The following CFAP54 variants were observed in gnomAD, a reference collection of about 807,000 sequenced individuals.
CFAP54 encodes the protein cilia- and flagella-associated protein 54.
CFAP54 carries 290 observed loss-of-function variants against 370.4 expected under a neutral mutation model. That is an observed-to-expected ratio of 0.78 (90% CI 0.71 to 0.86). The LOEUF is 0.86. CFAP54 is among the 40% of genes least tolerant of loss of function. The pLI is 0.00. For synonymous variants in CFAP54, 1,206 were observed against 1,236.5 expected (o/e 0.98, Z 0.52); for missense variants, 3,399 against 3,528.7 (o/e 0.96, Z 0.93).
intron 9 of CFAP54, among the ~76,000 whole-genome samples, chr12:96,530,260 C>T (rs1292661910): frequency 2.6e-5 from 4 of 152,350 alleles, no homozygotes; most frequent in South Asian, 4.1e-4. Flanking sequence ...GAGGCCAAGA[C>T]GAGCTGATCC....
At chr12:96,790,061 G>A (rs1472004274) in intron 62 of CFAP54, among the ~76,000 whole-genome samples, 1 of 152,164 alleles carries the variant, frequency 6.6e-6, no homozygotes, top group East Asian at 1.9e-4. Context: ...ATTGCTCCGT[G>A]TTGTGCTCAT....
At chr12:96,863,944 A>G (rs1183268500) in intron 67 of CFAP54, among the ~76,000 whole-genome samples, 1 of 152,162 alleles carries the variant, frequency 6.6e-6, no homozygotes, top group Non-Finnish European at 1.5e-5. Flanking sequence ...TCATTCCAAA[A>G]TTCCCCATCT....
intron 48 of CFAP54, among the ~76,000 whole-genome samples, chr12:96,711,192 C>T (rs1957609785): frequency 6.6e-6 from 1 of 152,118 alleles, no homozygotes; most frequent in African/African-American, 2.4e-5. Context: ...TATTGGCATA[C>T]AATTTTTTCA....
At chr12:96,540,708 G>T in intron 13 of CFAP54, 129 bp from the exon 14 acceptor site, 1 of 478,048 alleles carries the variant, frequency 2.1e-6, no homozygotes, top group Non-Finnish European at 3.5e-6. Flanking sequence ...ATAAGGAGGG[G>T]TACCTGTGTA....
intron 66 of CFAP54, among the ~76,000 whole-genome samples, chr12:96,833,507 CGTGTGT>C (rs34316003): frequency 0.011 from 1,557 of 144,094 alleles, 20 homozygotes; most frequent in African/African-American, 0.028. Context: ...CACACGCGTA[CGTGTGT>C]GTGTGTGTGT....
At chr12:96,811,385 A>G (rs987307701) in intron 63 of CFAP54, among the ~76,000 whole-genome samples, 8 of 152,222 alleles carry the variant, frequency 5.3e-5, no homozygotes, top group Non-Finnish European at 8.8e-5. Context: ...TGGGAACGGT[A>G]CACATTGAGA....
Position 96,657,959 on chromosome 12 carries a change from T to C in CFAP54, c.5178T>C (p.Leu1726=), listed in dbSNP as rs1956941336. Reference sequence around the variant, plus strand: ...AAAATGACAACGGTGGTTCTAGTCTTACCTTTGAGCATCCTTTGGATGATG... The same window carrying C: ...AAAATGACAACGGTGGTTCTAGTCTCACCTTTGAGCATCCTTTGGATGATG... The part of the protein sequence containing the change: ...NIKNDNGGSS[L]TFEHPLDDVN... The change falls in exon 37 of 68, where the codon CTT becomes CTC. Residue 1726 remains leucine (L), a synonymous_variant. Coordinates refer to ENST00000524981, the MANE Select transcript of CFAP54 (RefSeq NM_001306084.2). 1 of 1,613,896 alleles carries C rather than the reference T, an allele frequency of 6.2e-7. No individual in the cohort carries two copies. Among genetic ancestry groups the C allele is most frequent in the Non-Finnish European group, 8.5e-7 (1 of 1,179,862 alleles).
chr12:96,667,650 T>C (rs931379709), intron 39 of CFAP54, among the ~76,000 whole-genome samples: 2 of 152,184 alleles, frequency 1.3e-5, no homozygotes, highest in Non-Finnish European at 2.9e-5. Context: ...AAATCCTTTT[T>C]CTCTGGTAGG....
chr12:96,650,095 C>T (rs778726011), intron 35 of CFAP54, 23 bp downstream of exon 35: 27 of 1,588,722 alleles, frequency 1.7e-5, no homozygotes, highest in Non-Finnish European at 2.3e-5. Flanking sequence ...TTCTTGTTTG[C>T]AGTGTAGTAG....
chr12:96,851,161 T>C (rs552150030), intron 66 of CFAP54, among the ~76,000 whole-genome samples: 25 of 152,242 alleles, frequency 1.6e-4, no homozygotes, highest in Non-Finnish European at 2.9e-4. Context: ...ACTCTGACTT[T>C]CTAAAGCACA....
intron 64 of CFAP54, among the ~76,000 whole-genome samples, chr12:96,814,670 G>A (rs1384643726): frequency 2.0e-5 from 3 of 152,084 alleles, no homozygotes; most frequent in Non-Finnish European, 4.4e-5. Context: ...AGCCCCACAT[G>A]TATTAGGTAT....
chr12:96,781,846 A>G (rs1331665321), intron 60 of CFAP54, among the ~76,000 whole-genome samples: 1 of 152,128 alleles, frequency 6.6e-6, no homozygotes, highest in Non-Finnish European at 1.5e-5. Context: ...AGAAAATGGT[A>G]TAAGGAAATT....
intron 26 of CFAP54, among the ~76,000 whole-genome samples, chr12:96,602,665 GAT>G (rs1181177978): frequency 6.6e-6 from 1 of 152,124 alleles, no homozygotes; most frequent in East Asian, 1.9e-4. Flanking sequence ...ATATATTTAG[GAT>G]AGTTACCTCA....
At chr12:96,679,827 C>G (rs1957251106) in intron 40 of CFAP54, 75 bp downstream of exon 40, 2 of 1,423,354 alleles carry the variant, frequency 1.4e-6, no homozygotes, top group African/African-American at 1.4e-5. Context: ...CTCTTCTGCC[C>G]TCTCATTCTT....
Position 96,724,574 on chromosome 12 carries a change from A to G in CFAP54, c.6965+4009A>G, listed in dbSNP as rs564106771. On this transcript the variant is annotated intron_variant, in intron 50 of 67. Coordinates refer to ENST00000524981, the MANE Select transcript of CFAP54 (RefSeq NM_001306084.2). ...GAGTTCATTGTAGATTCTGGATATT[A>G]GCCCTTTGTCAGATGAGTAGGTTGC... Among the ~76,000 whole-genome samples, 504 of 152,152 alleles carry G rather than the reference A, an allele frequency of 3.3e-3. 5 individuals are homozygous for G. The highest frequency in any genetic ancestry group is 0.011 in the East Asian group (57 of 5,184).
intron 50 of CFAP54, among the ~76,000 whole-genome samples, chr12:96,722,399 G>C (rs1482112594): frequency 6.6e-6 from 1 of 152,202 alleles, no homozygotes; most frequent in Non-Finnish European, 1.5e-5. Flanking sequence ...AATATCTATA[G>C]ACAAAGTGTT....
chr12:96,511,329 A>T (rs1203691356), intron 4 of CFAP54, among the ~76,000 whole-genome samples: 1 of 151,856 alleles, frequency 6.6e-6, no homozygotes, highest in Admixed American at 6.6e-5. Context: ...TTATTTATTT[A>T]TTTTTTTGAG....
intron 50 of CFAP54, among the ~76,000 whole-genome samples, chr12:96,726,329 T>C (rs184357284): frequency 7.0e-4 from 107 of 152,342 alleles, no homozygotes; most frequent in African/African-American, 2.4e-3. Context: ...GTTGGTAAGC[T>C]ATTGATTATT....
intron 1 of CFAP54, among the ~76,000 whole-genome samples, chr12:96,493,413 A>G (rs1384342684): frequency 6.6e-6 from 1 of 152,262 alleles, no homozygotes; most frequent in Non-Finnish European, 1.5e-5. Flanking sequence ...CTCTGGATAC[A>G]GCAGTGAACC....
Sources: allele counts gnomAD v4.1 joint callset (sites outside exome capture counted in the v4.1 genomes callset), GRCh38; gene constraint gnomAD v4.1.1; transcripts MANE v1.5; gene names NCBI Gene and HGNC (gene_info 2026-07-23, HGNC 2026-07-21).